ANKS1B: variants seen among roughly 807,000 people sequenced by gnomAD.
ANKS1B encodes the protein ankyrin repeat and sterile alpha motif domain-containing protein 1B.
ANKS1B carries 36 observed loss-of-function variants against 148.3 expected under a neutral mutation model. The observed-to-expected ratio is 0.24, with a 90% CI of 0.19 to 0.32. The LOEUF is 0.32. ANKS1B is among the 10% of genes least tolerant of loss of function. The probability of loss-of-function intolerance (pLI) is 1.00; values close to 1 mark genes in which losing one functional copy is unlikely to be tolerated. For synonymous variants in ANKS1B, 542 were observed against 560.8 expected (o/e 0.97, Z 0.47); for missense variants, 1,157 against 1,542.6 (o/e 0.75, Z 4.19).
At chr12:99,552,811 T>C (rs979711291) in intron 9 of ANKS1B, among the ~76,000 whole-genome samples, 2 of 152,214 alleles carry the variant, frequency 1.3e-5, no homozygotes, top group Non-Finnish European at 2.9e-5. Flanking sequence ...TGCTCACGTA[T>C]ACTTTAAATC....
intron 17 of ANKS1B, among the ~76,000 whole-genome samples, chr12:98,843,626 C>G (rs2099423673): frequency 6.6e-6 from 1 of 152,158 alleles, no homozygotes; most frequent in Non-Finnish European, 1.5e-5. Flanking sequence ...CATGAAGAGT[C>G]AATGAAATAG....
rs189788351 is a variant in ANKS1B at position 98,993,156 on chromosome 12, T to A, written c.2778+60001A>T. 3.7e-3 allele frequency among the ~76,000 whole-genome samples: 559 copies of A among 152,302 alleles called. 3 individuals carry two copies. The highest frequency in any genetic ancestry group is 5.7e-3 in the Non-Finnish European group (390 of 68,026). ...TTTTCTTCATAGTTGATTCTTTTTT[T>A]AAAAATTTAATTTCTTATTTATTTA... On this transcript the variant is annotated intron_variant, in intron 17 of 26. Transcript: ENST00000683438.
Position 98,948,947 on chromosome 12 carries a change from CTTTTT to C in ANKS1B, c.2778+104205_2778+104209del, listed in dbSNP as rs869145338. On this transcript the variant is annotated intron_variant, in intron 17 of 26. Coordinates refer to ENST00000683438, the MANE Select transcript of ANKS1B (RefSeq NM_001352186.2). ...AGGGGTGAGATATGAGCATGAGCTACTTTTTTTTTTTTTTTTTTTTTTTGAGATGG... is the reference window on the plus strand; with the variant it reads ...AGGGGTGAGATATGAGCATGAGCTACTTTTTTTTTTTTTTTTTTGAGATGG... Among the ~76,000 whole-genome samples the C allele has an allele frequency of 9.6e-3, 815 of 84,858 alleles. 34 individuals are homozygous for C. The highest frequency in any genetic ancestry group is 0.051 in the African/African-American group (757 of 14,730). 55.7% of individuals were successfully genotyped at this position (84,858 alleles called of 152,430 possible).
chr12:99,778,114 GGTGT>G (rs2063863736), intron 6 of ANKS1B, among the ~76,000 whole-genome samples: 1 of 151,636 alleles, frequency 6.6e-6, no homozygotes, highest in Non-Finnish European at 1.5e-5. Flanking sequence ...GCAGGAGAAT[GGTGT>G]GAACCGGGGA....
chr12:98,787,940 CA>C lies in ANKS1B; in HGVS notation c.3343-5804del, dbSNP rs35105574. ...GGGTGACGGAGCAAGACTCCATCTC[CA>C]AAAAAAAAAAAAAGGAAGCACAGTG... On this transcript the variant is annotated intron_variant, in intron 22 of 26. Transcript: ENST00000683438. Among the ~76,000 whole-genome samples, 349 of 135,204 alleles carry C rather than the reference CA, an allele frequency of 2.6e-3. 2 individuals carry two copies. The highest frequency in any genetic ancestry group is 5.7e-3 in the Admixed American group (76 of 13,358). 88.7% of individuals were successfully genotyped at this position (135,204 alleles called of 152,430 possible).
chr12:98,767,067 C>T (rs1025594297), intron 25 of ANKS1B, among the ~76,000 whole-genome samples: 2 of 151,772 alleles, frequency 1.3e-5, no homozygotes, highest in African/African-American at 4.8e-5. Flanking sequence ...GATCCTCCTG[C>T]CTCAGCCTCC....
At chr12:99,218,088 C>A (rs111768644) in intron 14 of ANKS1B, among the ~76,000 whole-genome samples, 2,015 of 152,224 alleles carry the variant, frequency 0.013, 39 homozygotes, top group African/African-American at 0.046. Flanking sequence ...AGGGGACTAT[C>A]TAGCACCATA....
intron 1 of ANKS1B, among the ~76,000 whole-genome samples, chr12:99,922,238 TC>T (rs1336837443): frequency 6.6e-6 from 1 of 152,166 alleles, no homozygotes; most frequent in East Asian, 1.9e-4. Context: ...AATTGGTACA[TC>T]TAATCTCACC....
chr12:99,065,884 T>C (rs1599318682), intron 16 of ANKS1B, among the ~76,000 whole-genome samples: 1 of 152,166 alleles, frequency 6.6e-6, no homozygotes, highest in East Asian at 1.9e-4. Context: ...TAGAAGGTGA[T>C]AAGTGCTGTG....
chr12:98,746,223 G>A (rs2097888794), intron 26 of ANKS1B, among the ~76,000 whole-genome samples: 2 of 152,142 alleles, frequency 1.3e-5, no homozygotes, highest in Non-Finnish European at 2.9e-5. Flanking sequence ...CCACTCCCCG[G>A]CTCTCACTCT....
intron 9 of ANKS1B, among the ~76,000 whole-genome samples, chr12:99,594,664 T>A (rs539362768): frequency 6.6e-6 from 1 of 152,020 alleles, no homozygotes; most frequent in Non-Finnish European, 1.5e-5. Context: ...AAATCTAAAA[T>A]GATCAAACTC....
At chr12:99,501,816 G>A (rs10860448) in intron 10 of ANKS1B, among the ~76,000 whole-genome samples, 18,299 of 152,004 alleles carry the variant, frequency 0.12, 2,577 homozygotes, top group African/African-American at 0.34. Context: ...TCCTACCCTC[G>A]CCAATGTTTT....
chr12:99,511,532 T>G (rs1038634517), intron 9 of ANKS1B, among the ~76,000 whole-genome samples: 3 of 151,980 alleles, frequency 2.0e-5, no homozygotes, highest in Non-Finnish European at 4.4e-5. Flanking sequence ...AAACTACCAT[T>G]GACATTCTTC....
At chr12:99,825,498 T>G in intron 1 of ANKS1B, 109 bp from the exon 2 acceptor site, 2 of 746,902 alleles carry the variant, frequency 2.7e-6, no homozygotes, top group South Asian at 3.5e-5. Flanking sequence ...AGATAAAAAT[T>G]TTAGCCATGT....
At chr12:99,670,067 G>C (rs2153465752) in intron 8 of ANKS1B, among the ~76,000 whole-genome samples, 1 of 150,572 alleles carries the variant, frequency 6.6e-6, no homozygotes, top group African/African-American at 2.4e-5. Flanking sequence ...CCTCATGGAA[G>C]TTTGACAAAA....
chr12:99,683,798 C>A (rs150667302), intron 8 of ANKS1B, among the ~76,000 whole-genome samples: 2,515 of 150,572 alleles, frequency 0.017, 72 homozygotes, highest in African/African-American at 0.058. Flanking sequence ...GGTTTCATAC[C>A]AGGGATGCAG....
At chr12:99,623,951 A>C (rs913710350) in intron 9 of ANKS1B, among the ~76,000 whole-genome samples, 3 of 152,114 alleles carry the variant, frequency 2.0e-5, no homozygotes, top group African/African-American at 7.2e-5. Flanking sequence ...TAGCCAAAGC[A>C]ATCCTAAGAA....
chr12:98,985,704 T>C (rs565928397), intron 17 of ANKS1B, among the ~76,000 whole-genome samples: 1 of 152,250 alleles, frequency 6.6e-6, no homozygotes, highest in Admixed American at 6.5e-5. Flanking sequence ...ACTTCTAAGA[T>C]GTTGTAAACC....
chr12:99,023,079 GTT>G (rs1222307634), intron 17 of ANKS1B, among the ~76,000 whole-genome samples: 1 of 152,008 alleles, frequency 6.6e-6, no homozygotes, highest in African/African-American at 2.4e-5. Flanking sequence ...ATCCCCTTCT[GTT>G]TTTACATATT....
Sources: gnomAD v4.1 joint callset for allele counts (sites outside exome capture counted in the v4.1 genomes callset) on GRCh38, gnomAD v4.1.1 for gene constraint, MANE v1.5 for transcripts, NCBI Gene and HGNC (gene_info 2026-07-23, HGNC 2026-07-21) for gene names.